The following PRKCI variants were observed in gnomAD, a reference collection of about 807,000 sequenced individuals.
PRKCI encodes protein kinase C iota.
A neutral mutation model predicts 84.0 loss-of-function variants in PRKCI; 43 were observed. The observed-to-expected ratio is 0.51, with a 90% CI of 0.40 to 0.66. The LOEUF (loss-of-function observed/expected upper bound fraction) is 0.66. Among genes scored for constraint, PRKCI ranks in the 30% least tolerant of loss-of-function variants. The pLI, the probability that PRKCI is intolerant of heterozygous loss-of-function variation, is 0.00. For missense variants in PRKCI, 459 were observed against 745.6 expected, an observed-to-expected ratio of 0.62 and a Z score of 4.48; for synonymous variants, 216 against 234.4, an observed-to-expected ratio of 0.92 and a Z score of 0.72.
chr3:170,289,193 TA>T (rs1160438830), intron 12 of PRKCI, among the ~76,000 whole-genome samples: 3 of 152,254 alleles, frequency 2.0e-5, no homozygotes, highest in African/African-American at 7.2e-5. Flanking sequence ...GTACTGAAAG[TA>T]CATGTCATTT....
intron 12 of PRKCI, among the ~76,000 whole-genome samples, chr3:170,287,908 C>CAAAAAAAAAAAAAAAA (rs750366555): frequency 5.9e-5 from 3 of 50,548 alleles, no homozygotes; most frequent in African/African-American, 1.4e-4. Context: ...GACTCTGTCT[C>CAAAAAAAAAAAAAAAA]AAAAAAAAAA....
chr3:170,234,802 T>C (rs1319070232), intron 1 of PRKCI, among the ~76,000 whole-genome samples: 1 of 152,146 alleles, frequency 6.6e-6, no homozygotes, highest in Non-Finnish European at 1.5e-5. Flanking sequence ...TTTTGTTTTC[T>C]TTTGTTTTTA....
intron 9 of PRKCI, among the ~76,000 whole-genome samples, chr3:170,280,803 G>T (rs1350728308): frequency 6.6e-6 from 1 of 152,014 alleles, no homozygotes; most frequent in Non-Finnish European, 1.5e-5. Flanking sequence ...ATCTCATTCT[G>T]CTTTTCTAAA....
intron 14 of PRKCI, among the ~76,000 whole-genome samples, chr3:170,293,922 C>G (rs1734631782): frequency 6.6e-6 from 1 of 152,174 alleles, no homozygotes. Flanking sequence ...TTCAAGTGAT[C>G]TGCCCACCTC....
chr3:170,247,071 TTTTTG>T (rs1219406348), intron 2 of PRKCI, among the ~76,000 whole-genome samples: 2 of 152,022 alleles, frequency 1.3e-5, no homozygotes, highest in South Asian at 2.1e-4. Flanking sequence ...TTTTAAGACT[TTTTTG>T]TTTTGTTTTG....
Position 170,280,278 on chromosome 3 carries a change from G to A in PRKCI, c.757G>A (p.Asp253Asn). ...AGCTTCATCCAGTCTAGGTCTTCAG[G>A]ATTTTGATTTGCTCCGGGTAATAGG... Reference protein sequence around the residue: ...GKASSSLGLQDFDLLRVIGRG... With the variant: ...GKASSSLGLQNFDLLRVIGRG... The change falls in exon 9 of 18, where the codon GAT (aspartate) becomes AAT (asparagine). Residue 253 changes from aspartate to asparagine, a missense_variant. Physicochemically the swap from Asp to Asn is conservative, Grantham distance 23. Around this residue, in one of 2 missense-constraint regions of PRKCI, gnomAD observed 209 missense variants for 425.9 expected, o/e 0.49. Coordinates refer to ENST00000295797, the MANE Select transcript of PRKCI (RefSeq NM_002740.6). 6.2e-7 allele frequency: 1 copy of A among 1,613,126 alleles called. No individual in the cohort carries two copies. The highest frequency in any genetic ancestry group is 8.5e-7 in the Non-Finnish European group (1 of 1,179,988).
chr3:170,281,534 C>A, intron 10 of PRKCI: 1 of 412,552 alleles, frequency 2.4e-6, no homozygotes, highest in Non-Finnish European at 4.3e-6. Context: ...CCCCAGTATT[C>A]TAGTTTTATG....
Position 170,303,767 on chromosome 3 carries a change from C to T in PRKCI, c.*640C>T, listed in dbSNP as rs1298049213. 2.5e-5 allele frequency: 5 copies of T among 199,160 alleles called. No homozygotes were observed. Among genetic ancestry groups the T allele is most frequent in the Admixed American group, 2.4e-4 (4 of 16,536 alleles). 12.3% of individuals were successfully genotyped at this position (199,160 alleles called of 1,614,324 possible). A position where few individuals can be genotyped will look rare whatever the true frequency, so the allele number is the denominator to read the frequency against. On this transcript the variant is annotated 3_prime_UTR_variant, in exon 18 of 18. Transcript: ENST00000295797. ...ATCCCAGTACTTTGGGAGGTTGAGG[C>T]GGGCAGATCACTTGAGGTCAGGAGT...
At chr3:170,289,689 G>A (rs1416297281) in intron 12 of PRKCI, among the ~76,000 whole-genome samples, 2 of 151,900 alleles carry the variant, frequency 1.3e-5, no homozygotes, top group African/African-American at 4.8e-5. Context: ...GAGGCGGGTG[G>A]ATCACTTGAG....
intron 17 of PRKCI, among the ~76,000 whole-genome samples, chr3:170,299,710 G>A (rs1186817500): frequency 6.6e-6 from 1 of 152,206 alleles, no homozygotes; most frequent in Non-Finnish European, 1.5e-5. Context: ...GCTCAGAGAG[G>A]TTAAGCAAAG....
chr3:170,280,464 TG>T (rs1322897073), intron 9 of PRKCI, 61 bp downstream of exon 9: 9 of 1,420,714 alleles, frequency 6.3e-6, no homozygotes, highest in Non-Finnish European at 8.5e-6. Context: ...TTTTTTTTTT[TG>T]AAACGGAGTT....
chr3:170,263,455 T>G (rs764351735), intron 4 of PRKCI, 26 bp downstream of exon 4: 15 of 1,535,328 alleles, frequency 9.8e-6, no homozygotes, highest in African/African-American at 1.4e-5. Context: ...CTTCATACCT[T>G]TTACAAGAGT....
chr3:170,233,785 A>G (rs1019396291), intron 1 of PRKCI, among the ~76,000 whole-genome samples: 1 of 152,126 alleles, frequency 6.6e-6, no homozygotes, highest in African/African-American at 2.4e-5. Context: ...CAGTGACGCA[A>G]TCACGGCTCA....
intron 12 of PRKCI, among the ~76,000 whole-genome samples, chr3:170,290,662 G>A (rs930245524): frequency 2.0e-5 from 3 of 152,032 alleles, no homozygotes; most frequent in African/African-American, 7.2e-5. Context: ...TATGATTGGA[G>A]ATTGTGAAAT....
At position 170,222,578 on chromosome 3, in the gene PRKCI, C is replaced by G. The variant is rs1056530365; in HGVS notation, c.-92C>G. ...GGTAGGTGGGCGGACGGCCGCGGTT[C>G]TCCGGCAAGCGCAGGCGGCGGAGTC... is the stretch of plus-strand genomic sequence containing the variant. On this transcript the variant is annotated 5_prime_UTR_variant, in exon 1 of 18. Transcript: ENST00000295797. 3 of 1,156,816 alleles carry G rather than the reference C, an allele frequency of 2.6e-6. No homozygotes were observed. The highest frequency in any genetic ancestry group is 3.2e-5 in the African/African-American group (2 of 61,800). 71.7% of individuals were successfully genotyped at this position (1,156,816 alleles called of 1,614,324 possible).
chr3:170,240,940 A>G (rs1733114187), intron 2 of PRKCI, among the ~76,000 whole-genome samples: 1 of 152,232 alleles, frequency 6.6e-6, no homozygotes, highest in Non-Finnish European at 1.5e-5. Flanking sequence ...TTTTGTAACC[A>G]TCATGCCACA....
chr3:170,293,266 T>G (rs1382598932), intron 13 of PRKCI, 117 bp from the exon 14 acceptor site: 1 of 917,636 alleles, frequency 1.1e-6, no homozygotes, highest in Non-Finnish European at 1.6e-6. Context: ...ATAGTTGGAA[T>G]GCATTTAGAG....
intron 8 of PRKCI, 132 bp downstream of exon 8, chr3:170,275,419 T>A: frequency 1.3e-6 from 1 of 763,006 alleles, no homozygotes; most frequent in Admixed American, 3.2e-5. Flanking sequence ...TTTGTAATGA[T>A]TCCAGAGTTT....
chr3:170,276,288 G>A (rs1052823260), intron 8 of PRKCI, among the ~76,000 whole-genome samples: 1 of 151,860 alleles, frequency 6.6e-6, no homozygotes, highest in Non-Finnish European at 1.5e-5. Flanking sequence ...CAAAGCCCTT[G>A]TATCTATTGT....
Sources: gnomAD v4.1 joint callset for allele counts (sites outside exome capture counted in the v4.1 genomes callset) on GRCh38, gnomAD v4.1.1 for gene constraint, gnomAD v4.1.1 regional missense constraint, MANE v1.5 for transcripts, NCBI Gene and HGNC (gene_info 2026-07-23, HGNC 2026-07-21) for gene names.